The following AHI1 variants were observed in gnomAD, a reference collection of about 807,000 sequenced individuals.
AHI1 encodes the protein Abelson helper integration site 1, also known as jouberin.
Under a neutral mutation model 149.3 loss-of-function variants are expected in AHI1, and 123 were observed. The observed-to-expected ratio is 0.82, with a 90% CI of 0.71 to 0.96. The LOEUF (loss-of-function observed/expected upper bound fraction) is 0.96, where lower values mean the gene tolerates loss of function less well. Among genes scored for constraint, AHI1 ranks in the 40% least tolerant of loss-of-function variants. The probability of loss-of-function intolerance (pLI) is 0.00; values close to 1 mark genes in which losing one functional copy is unlikely to be tolerated. For missense variants in AHI1, 1,439 were observed against 1,422.7 expected, an observed-to-expected ratio of 1.01 and a Z score of -0.18; for synonymous variants, 475 against 459.8, an observed-to-expected ratio of 1.03 and a Z score of -0.42.
At chr6:135,354,995 C>T (rs781340366) in intron 24 of AHI1, among the ~76,000 whole-genome samples, 2 of 152,200 alleles carry the variant, frequency 1.3e-5, no homozygotes, top group East Asian at 1.9e-4. Context: ...CAATACTAAA[C>T]GCCAGAATGC....
At chr6:135,439,763 C>A (rs1785982735) in intron 14 of AHI1, among the ~76,000 whole-genome samples, 1 of 152,132 alleles carries the variant, frequency 6.6e-6, no homozygotes, top group Non-Finnish European at 1.5e-5. Flanking sequence ...AAAGCATGAG[C>A]ATACATGTGT....
chr6:135,413,469 T>C lies in AHI1; in HGVS notation c.2765-1925A>G, dbSNP rs75373141. On this transcript the variant is annotated intron_variant, in intron 20 of 28. Transcript: ENST00000265602. ...TGAAACTACCAAAAAATGGACAAAC[T>C]GTATAAAAGAAAAAAAAAAAACTGT... is the stretch of plus-strand genomic sequence containing the variant. 7.4e-4 allele frequency among the ~76,000 whole-genome samples: 111 copies of C among 149,316 alleles called. 3 individuals are homozygous for C. In the East Asian group the frequency reaches 0.019, roughly 26 times the overall value.
chr6:135,425,217 T>C (rs1183372715), intron 20 of AHI1, among the ~76,000 whole-genome samples: 2 of 152,018 alleles, frequency 1.3e-5, no homozygotes, highest in East Asian at 1.9e-4. Flanking sequence ...TTAAATTTAA[T>C]GTGTCTACTA....
intron 25 of AHI1, among the ~76,000 whole-genome samples, chr6:135,319,539 A>ATATG (rs1418816006): frequency 1.3e-5 from 2 of 152,232 alleles, no homozygotes; most frequent in African/African-American, 4.8e-5. Flanking sequence ...TTAGGACTAT[A>ATATG]TATGATATTG....
intron 13 of AHI1, 46 bp from the exon 14 acceptor site, chr6:135,442,760 C>T (rs770188721): frequency 1.2e-5 from 19 of 1,522,106 alleles, no homozygotes; most frequent in Admixed American, 7.7e-5. Flanking sequence ...AACATTAAAA[C>T]GCGAAGGCTA....
chr6:135,379,791 A>G (rs1776432382), intron 23 of AHI1, among the ~76,000 whole-genome samples: 1 of 152,102 alleles, frequency 6.6e-6, no homozygotes, highest in Admixed American at 6.6e-5. Context: ...TTCAAAATGC[A>G]TACCAAGTAC....
At chr6:135,422,738 C>T (rs958048344) in intron 20 of AHI1, among the ~76,000 whole-genome samples, 12 of 151,572 alleles carry the variant, frequency 7.9e-5, no homozygotes, top group Non-Finnish European at 1.8e-4. Flanking sequence ...GATCCTCCTG[C>T]CTCAGCCTCC....
chr6:135,470,741 A>G (rs1052925540), intron 5 of AHI1, among the ~76,000 whole-genome samples: 2 of 152,074 alleles, frequency 1.3e-5, no homozygotes, highest in African/African-American at 4.8e-5. Context: ...GAACACCGAG[A>G]ACACATGGAC....
In AHI1 at chr6:135,290,500, G is replaced by A. The variant is rs1480785408; in HGVS notation, c.3511C>T (p.His1171Tyr). The A allele has an allele frequency of 1.2e-6, 2 of 1,613,754 alleles. No individual in the cohort carries two copies. Among genetic ancestry groups the A allele is most frequent in the Admixed American group, 1.7e-5 (1 of 59,996 alleles). The change falls in exon 28 of 29, where the codon CAT becomes TAT. Residue 1171 changes from histidine to tyrosine, a missense_variant. Coordinates refer to ENST00000265602, the MANE Select transcript of AHI1 (RefSeq NM_001134831.2). ...TCCATTATGTGTCCTTGGTCCTCATGGCTCTGTTCTTTTCTCATTTCAGAA... is the reference window on the plus strand; with the variant it reads ...TCCATTATGTGTCCTTGGTCCTCATAGCTCTGTTCTTTTCTCATTTCAGAA... Reference protein sequence around the residue: ...THSEMRKEQSHEDQGHIMDTR... With the variant: ...THSEMRKEQSYEDQGHIMDTR...
chr6:135,373,283 C>T (rs1386488863), intron 23 of AHI1, among the ~76,000 whole-genome samples: 3 of 152,186 alleles, frequency 2.0e-5, no homozygotes, highest in African/African-American at 7.2e-5. Flanking sequence ...TGTATTACAA[C>T]TGCCTATGGC....
At chr6:135,311,010 TAAGAA>T (rs1326317494) in intron 26 of AHI1, among the ~76,000 whole-genome samples, 1 of 151,996 alleles carries the variant, frequency 6.6e-6, no homozygotes, top group Admixed American at 6.6e-5. Flanking sequence ...TCTCTGCTAA[TAAGAA>T]AAGAGGCCAG....
chr6:135,459,342 T>C (rs1409755953), intron 8 of AHI1, among the ~76,000 whole-genome samples: 1 of 152,066 alleles, frequency 6.6e-6, no homozygotes, highest in Non-Finnish European at 1.5e-5. Context: ...ATATTAAAAA[T>C]TTTGGAGATG....
At chr6:135,464,626 C>T (rs1479194797) in intron 7 of AHI1, among the ~76,000 whole-genome samples, 1 of 152,148 alleles carries the variant, frequency 6.6e-6, no homozygotes, top group Non-Finnish European at 1.5e-5. Context: ...CTCTCAGAGC[C>T]CTTGGTCTGG....
At chr6:135,416,559 T>G (rs542579637) in intron 20 of AHI1, among the ~76,000 whole-genome samples, 12 of 152,162 alleles carry the variant, frequency 7.9e-5, no homozygotes, top group Admixed American at 4.6e-4. Flanking sequence ...ACTAAAATTA[T>G]GTATAGAAAT....
At chr6:135,303,694 G>C (rs191801273) in intron 26 of AHI1, among the ~76,000 whole-genome samples, 213 of 152,250 alleles carry the variant, frequency 1.4e-3, no homozygotes, top group Non-Finnish European at 2.8e-3. Flanking sequence ...GGTTATACTA[G>C]TGTTTTTCAA....
At chr6:135,407,131 T>G (rs1320487917) in intron 21 of AHI1, among the ~76,000 whole-genome samples, 1 of 152,154 alleles carries the variant, frequency 6.6e-6, no homozygotes, top group Non-Finnish European at 1.5e-5. Flanking sequence ...ATTTTTTGTA[T>G]CTTTTACTCA....
intron 23 of AHI1, among the ~76,000 whole-genome samples, chr6:135,360,310 T>A (rs1257986235): frequency 6.6e-6 from 1 of 152,196 alleles, no homozygotes. Flanking sequence ...TCTTTGAAGG[T>A]TTTAGATGGA....
At chr6:135,367,131 C>T (rs1288924144) in intron 23 of AHI1, among the ~76,000 whole-genome samples, 1 of 152,154 alleles carries the variant, frequency 6.6e-6, no homozygotes, top group Non-Finnish European at 1.5e-5. Flanking sequence ...CTTAGTTCCT[C>T]TGGATACAAA....
rs1364255126 is a variant in AHI1 at position 135,463,324 on chromosome 6, G to A, written c.750-18C>T. The A allele has an allele frequency of 6.4e-7, 1 of 1,565,496 alleles. No individual in the cohort carries two copies. On this transcript the variant is annotated intron_variant, in intron 7 of 28. Transcript: ENST00000265602. ...TCAATGTACTACAAATATAATCCAA[G>A]TATCAGCCATTACAGATATATTATC...
Sources: gnomAD v4.1 joint callset for allele counts (sites outside exome capture counted in the v4.1 genomes callset) on GRCh38, gnomAD v4.1.1 for gene constraint, MANE v1.5 for transcripts, NCBI Gene and HGNC (gene_info 2026-07-23, HGNC 2026-07-21) for gene names.